The following ADGRL2 variants were observed in gnomAD, a reference collection of about 807,000 sequenced individuals.
ADGRL2 encodes the protein adhesion G protein-coupled receptor L2, also known as calcium-independent alpha-latrotoxin receptor 2.
A neutral mutation model predicts 157.4 loss-of-function variants in ADGRL2; 44 were observed. That is an observed-to-expected ratio of 0.28 (90% CI 0.22 to 0.36). The LOEUF (loss-of-function observed/expected upper bound fraction) is 0.36. Ranked by LOEUF, ADGRL2 falls within the 10% of genes least tolerant of loss-of-function variation. The pLI, the probability that ADGRL2 is intolerant of heterozygous loss-of-function variation, is 1.00. For missense variants in ADGRL2, 1,510 were observed against 1,768.9 expected, an observed-to-expected ratio of 0.85 and a Z score of 2.63; for synonymous variants, 585 against 624.7, an observed-to-expected ratio of 0.94 and a Z score of 0.95.
intron 1 of ADGRL2, among the ~76,000 whole-genome samples, chr1:81,810,009 A>G: frequency 6.6e-6 from 1 of 152,040 alleles, no homozygotes; most frequent in African/African-American, 2.4e-5. Context: ...TGACAGCATA[A>G]TCTAACCTCA....
chr1:81,770,340 T>C (rs1405532525), intron 2 of ADGRL2, among the ~76,000 whole-genome samples: 1 of 151,284 alleles, frequency 6.6e-6, no homozygotes, highest in African/African-American at 2.4e-5. Context: ...TTTTTGTATT[T>C]TTCATAGAGA....
At chr1:81,717,627 C>T (rs1468640915) in intron 1 of ADGRL2, among the ~76,000 whole-genome samples, 3 of 152,188 alleles carry the variant, frequency 2.0e-5, no homozygotes, top group Admixed American at 2.0e-4. Flanking sequence ...ACTTTGTTCA[C>T]ATTCTTGCTT....
Position 81,953,024 on chromosome 1 carries a change from A to C in ADGRL2, c.1832A>C (p.Lys611Thr). 6.2e-7 allele frequency: 1 copy of C among 1,611,662 alleles called. No individual in the cohort carries two copies. Among genetic ancestry groups the C allele is most frequent in the East Asian group, 2.2e-5 (1 of 44,848 alleles). ...KREKTCRAYL[K>T]AIVDTVDNLL... ...GAGAAGACATGCAGGGCTTACCTTA[A>C]GGTATCTCTCCTGTGCTGTCACCCT... Residue 611 changes from lysine (K) to threonine (T), a missense_variant and splice_region_variant, in exon 10 of 24, where the codon AAG (lysine) becomes ACG (threonine). Lys to Thr is a moderately conservative substitution (Grantham distance 78). This residue lies in a region of ADGRL2 where 325 missense variants were observed against 333.2 expected (regional missense o/e 0.98). Coordinates refer to ENST00000686636, the MANE Select transcript of ADGRL2 (RefSeq NM_001366006.2).
intron 2 of ADGRL2, among the ~76,000 whole-genome samples, chr1:81,782,696 T>A (rs1342920268): frequency 2.0e-5 from 3 of 152,168 alleles, no homozygotes; most frequent in African/African-American, 7.2e-5. Flanking sequence ...GATTTTGATA[T>A]CCTCCTTCCT....
chr1:81,357,906 A>G (rs1217662973), intron 1 of ADGRL2, among the ~76,000 whole-genome samples: 1 of 152,218 alleles, frequency 6.6e-6, no homozygotes, highest in East Asian at 1.9e-4. Flanking sequence ...TAATCTCTGC[A>G]TAGCTCAGAA....
chr1:81,646,208 A>G (rs2082312847), intron 3 of ADGRL2, among the ~76,000 whole-genome samples: 1 of 152,168 alleles, frequency 6.6e-6, no homozygotes, highest in Admixed American at 6.5e-5. Context: ...TCTTAATGCA[A>G]ATTTAAGTCA....
intron 2 of ADGRL2, among the ~76,000 whole-genome samples, chr1:81,906,649 A>T (rs537625935): frequency 6.6e-6 from 1 of 152,212 alleles, no homozygotes; most frequent in Non-Finnish European, 1.5e-5. Flanking sequence ...CCTTCATTCC[A>T]TTGCACAAAT....
chr1:81,657,779 C>T (rs962147881), intron 3 of ADGRL2, among the ~76,000 whole-genome samples: 41 of 152,032 alleles, frequency 2.7e-4, no homozygotes, highest in African/African-American at 9.9e-4. Context: ...GTGAGTATGA[C>T]CAGAAACTAC....
At chr1:81,796,784 A>G (rs2087611372), upstream of ADGRL2, among the ~76,000 whole-genome samples, 4 of 152,218 alleles carry the variant, frequency 2.6e-5, no homozygotes, top group South Asian at 8.3e-4. Flanking sequence ...TTATACCATT[A>G]AACACAATAT....
intron 1 of ADGRL2, among the ~76,000 whole-genome samples, chr1:81,316,905 T>C (rs181204304): frequency 9.9e-5 from 15 of 152,280 alleles, no homozygotes; most frequent in African/African-American, 3.6e-4. Flanking sequence ...CCACCCCGAT[T>C]TAGGGCATCT....
intron 1 of ADGRL2, among the ~76,000 whole-genome samples, chr1:81,320,744 G>A (rs941318274): frequency 6.6e-6 from 1 of 152,192 alleles, no homozygotes; most frequent in African/African-American, 2.4e-5. Flanking sequence ...TCCAGGCTTT[G>A]TCATTTCATT....
chr1:81,548,206 G>A (rs1321416644), intron 2 of ADGRL2, among the ~76,000 whole-genome samples: 3 of 152,036 alleles, frequency 2.0e-5, no homozygotes, highest in Non-Finnish European at 4.4e-5. Context: ...AATTTCTTAT[G>A]TTCTGTGCAA....
chr1:81,362,027 G>T (rs568695650), intron 1 of ADGRL2, among the ~76,000 whole-genome samples: 1 of 151,930 alleles, frequency 6.6e-6, no homozygotes, highest in South Asian at 2.1e-4. Context: ...TAAGTATTTA[G>T]AGTATATTGT....
chr1:81,466,060 A>T (rs190407871), intron 2 of ADGRL2, among the ~76,000 whole-genome samples: 13 of 152,354 alleles, frequency 8.5e-5, no homozygotes, highest in Middle Eastern at 3.4e-3. Context: ...TACATGTGTA[A>T]TGTGTCAGAG....
chr1:81,971,536 A>G (rs1304035501), intron 16 of ADGRL2, among the ~76,000 whole-genome samples: 1 of 152,172 alleles, frequency 6.6e-6, no homozygotes, highest in African/African-American at 2.4e-5. Flanking sequence ...TGCAATATTG[A>G]GTTTCAAGTC....
At chr1:81,600,478 G>T (rs548459944) in intron 3 of ADGRL2, among the ~76,000 whole-genome samples, 1 of 152,178 alleles carries the variant, frequency 6.6e-6, no homozygotes, top group Non-Finnish European at 1.5e-5. Context: ...TAGGGCAAAC[G>T]CAGAGAGATG....
intron 1 of ADGRL2, among the ~76,000 whole-genome samples, chr1:81,823,262 C>T (rs1025331459): frequency 1.3e-5 from 2 of 151,510 alleles, no homozygotes; most frequent in East Asian, 1.9e-4. Context: ...TGTTAGTTTC[C>T]GTAATTCAGT....
At chr1:81,345,275 G>A (rs1237653094) in intron 1 of ADGRL2, among the ~76,000 whole-genome samples, 1 of 152,092 alleles carries the variant, frequency 6.6e-6, no homozygotes, top group Non-Finnish European at 1.5e-5. Flanking sequence ...ACTAAGCCTG[G>A]GCCACCTCCA....
intron 2 of ADGRL2, among the ~76,000 whole-genome samples, chr1:81,576,253 G>C (rs2080795941): frequency 6.6e-6 from 1 of 152,028 alleles, no homozygotes. Context: ...TAATTAAAAT[G>C]TTGCTCTTTT....
Sources: allele counts gnomAD v4.1 joint callset (sites outside exome capture counted in the v4.1 genomes callset), GRCh38; gene constraint gnomAD v4.1.1; regional missense constraint gnomAD v4.1.1; transcripts MANE v1.5; gene names NCBI Gene and HGNC (gene_info 2026-07-23, HGNC 2026-07-21).